Variants in CHRNB4 observed in about 807,000 individuals in gnomAD.
CHRNB4 encodes cholinergic receptor nicotinic beta 4 subunit, also known as neuronal acetylcholine receptor subunit beta-4.
CHRNB4 carries 23 observed loss-of-function variants against 40.4 expected under a neutral mutation model. The observed-to-expected ratio is 0.57, with a 90% CI of 0.41 to 0.81. The LOEUF (loss-of-function observed/expected upper bound fraction) is 0.81. CHRNB4 is among the 30% of genes least tolerant of loss of function. The pLI is 0.00. For synonymous variants in CHRNB4, 285 were observed against 274.4 expected (o/e 1.04, Z -0.38); for missense variants, 568 against 670.6 (o/e 0.85, Z 1.69).
intron 1 of CHRNB4, among the ~76,000 whole-genome samples, chr15:78,659,554 A>G (rs1012569504): frequency 5.3e-5 from 8 of 152,154 alleles, no homozygotes; most frequent in Admixed American, 3.3e-4. Context: ...CTCTCTGAGG[A>G]GGTGACATTT....
At chr15:78,644,542 C>T (rs1315906249), upstream of CHRNB4, among the ~76,000 whole-genome samples, 1 of 152,034 alleles carries the variant, frequency 6.6e-6, no homozygotes, top group South Asian at 2.1e-4. Flanking sequence ...TTGGACTTCC[C>T]AACCTCCAGA....
At chr15:78,646,187 G>A (rs1402024902), upstream of CHRNB4, among the ~76,000 whole-genome samples, 1 of 152,142 alleles carries the variant, frequency 6.6e-6, no homozygotes, top group African/African-American at 2.4e-5. Flanking sequence ...TTGACCACTG[G>A]AAGAGAACGG....
intron 7 of CHRNB4, among the ~76,000 whole-genome samples, chr15:78,648,325 G>T (rs1241029549): frequency 2.0e-5 from 3 of 149,620 alleles, no homozygotes; most frequent in Non-Finnish European, 1.5e-5. Context: ...CCTGAGAGAC[G>T]GAGCTTGCAG....
intron 1 of CHRNB4, among the ~76,000 whole-genome samples, chr15:78,659,618 G>A (rs2054237459): frequency 6.6e-6 from 1 of 152,138 alleles, no homozygotes; most frequent in Non-Finnish European, 1.5e-5. Flanking sequence ...GAATATTATA[G>A]GCAGACAGAG....
intron 7 of CHRNB4, among the ~76,000 whole-genome samples, chr15:78,646,490 T>C (rs2141404996): frequency 6.6e-6 from 1 of 152,324 alleles, no homozygotes; most frequent in Non-Finnish European, 1.5e-5. Context: ...CAAAATGCCA[T>C]AGAATGGGTG....
At chr15:78,661,301 C>A, upstream of CHRNB4, 1 of 594,854 alleles carries the variant, frequency 1.7e-6, no homozygotes. Flanking sequence ...GCTGGTCACA[C>A]ACAGTGCACA....
intron 2 of CHRNB4, among the ~76,000 whole-genome samples, chr15:78,633,020 C>T (rs1004786514): frequency 5.9e-5 from 9 of 152,222 alleles, no homozygotes; most frequent in South Asian, 2.1e-4. Flanking sequence ...CTTGCTCCTT[C>T]GCAGGGTCTA....
chr15:78,635,101 T>C (rs1284833493), intron 2 of CHRNB4, among the ~76,000 whole-genome samples: 3 of 152,120 alleles, frequency 2.0e-5, no homozygotes, highest in African/African-American at 7.2e-5. Flanking sequence ...CTGAGCAGTC[T>C]AGGGGAGAGA....
At chr15:78,645,170 C>T (rs2054113164), upstream of CHRNB4, among the ~76,000 whole-genome samples, 1 of 152,194 alleles carries the variant, frequency 6.6e-6, no homozygotes, top group African/African-American at 2.4e-5. Context: ...ATCCCAGGGC[C>T]ATGAACCAGA....
At chr15:78,656,303 C>G (rs570175210) in exon 4 of CHRNB4, 1 of 147,012 alleles carries the variant, frequency 6.8e-6, no homozygotes, top group South Asian at 2.1e-4. Flanking sequence ...CACCACTGCA[C>G]TCCAGCCTGG....
chr15:78,628,741 C>T (rs1297839312), intron 5 of CHRNB4, among the ~76,000 whole-genome samples: 1 of 152,210 alleles, frequency 6.6e-6, no homozygotes, highest in Admixed American at 6.5e-5. Context: ...TTGGCGTTTG[C>T]TTCTGGGACA....
intron 1 of CHRNB4, 135 bp from the exon 2 acceptor site, chr15:78,635,722 C>T: frequency 8.7e-7 from 1 of 1,145,222 alleles, no homozygotes; most frequent in Non-Finnish European, 1.3e-6. Flanking sequence ...GCTGGCAGGC[C>T]TGTCTCTCCT....
At chr15:78,647,670 C>G (rs868011612) in intron 7 of CHRNB4, among the ~76,000 whole-genome samples, 22 of 146,780 alleles carry the variant, frequency 1.5e-4, no homozygotes, top group Middle Eastern at 3.4e-3. Flanking sequence ...CATGGTGAAA[C>G]CCCGTCTCTA....
intron 7 of CHRNB4, among the ~76,000 whole-genome samples, chr15:78,648,165 G>A (rs1049128819): frequency 5.5e-4 from 84 of 152,010 alleles, no homozygotes; most frequent in African/African-American, 1.9e-3. Flanking sequence ...AGGCCTAGGC[G>A]GGTGGATCAC....
intron 2 of CHRNB4, among the ~76,000 whole-genome samples, chr15:78,634,140 G>A (rs1353406365): frequency 1.3e-5 from 2 of 152,132 alleles, no homozygotes; most frequent in Non-Finnish European, 2.9e-5. Context: ...AATATTTACT[G>A]TATACACAAG....
chr15:78,647,663 G>A (rs547779930), intron 7 of CHRNB4, among the ~76,000 whole-genome samples: 73 of 145,258 alleles, frequency 5.0e-4, no homozygotes, highest in East Asian at 2.4e-3. Flanking sequence ...TGGCTAACAT[G>A]GTGAAACCCC....
chr15:78,661,219 G>T, upstream of CHRNB4: 1 of 610,092 alleles, frequency 1.6e-6, no homozygotes. Flanking sequence ...GCCCTTGGGG[G>T]AGTCCAGGGC....
At chr15:78,657,762 C>T (rs1280941337) in intron 2 of CHRNB4, among the ~76,000 whole-genome samples, 4 of 151,894 alleles carry the variant, frequency 2.6e-5, no homozygotes, top group Admixed American at 2.0e-4. Flanking sequence ...CTGTGTTAGC[C>T]AGGATAGTCT....
In CHRNB4 at chr15:78,624,996, G is replaced by C; in HGVS notation, c.*137C>G. 1 of 1,589,320 alleles carries C rather than the reference G, an allele frequency of 6.3e-7. No homozygotes were observed. The highest frequency in any genetic ancestry group is 8.5e-7 in the Non-Finnish European group (1 of 1,175,696). ...AGGCCCCCATCCTTGCCTGTTCCAC[G>C]GCTGTGGCTGGTTTGATGGGGTTGA... On this transcript the variant is annotated 3_prime_UTR_variant, in exon 6 of 6. Coordinates refer to ENST00000261751, the MANE Select transcript of CHRNB4 (RefSeq NM_000750.5).
Sources: allele counts gnomAD v4.1 joint callset (sites outside exome capture counted in the v4.1 genomes callset), GRCh38; gene constraint gnomAD v4.1.1; transcripts MANE v1.5; gene names NCBI Gene and HGNC (gene_info 2026-07-23, HGNC 2026-07-21).